The following ITPR2 variants were observed in gnomAD, a reference collection of about 807,000 sequenced individuals.
The protein encoded by ITPR2 is inositol 1,4,5-trisphosphate-gated calcium channel ITPR2.
Under a neutral mutation model 317.1 loss-of-function variants are expected in ITPR2, and 207 were observed. The ratio of observed to expected loss-of-function variants is 0.65; its 90% CI spans 0.58 to 0.73. ITPR2 has a LOEUF of 0.73. Among genes scored for constraint, ITPR2 ranks in the 30% least tolerant of loss-of-function variants. The pLI is 0.00. For synonymous variants in ITPR2, 1,156 were observed against 1,149.1 expected (o/e 1.01, Z -0.12); for missense variants, 2,613 against 3,284.0 (o/e 0.80, Z 4.99).
chr12:26,604,326 C>T (rs767806683), intron 26 of ITPR2, among the ~76,000 whole-genome samples: 2 of 152,158 alleles, frequency 1.3e-5, no homozygotes, highest in Non-Finnish European at 2.9e-5. Context: ...CCCCTCCTCC[C>T]ATTTTACTGT....
At chr12:26,730,874 G>A (rs1476822325) in intron 2 of ITPR2, among the ~76,000 whole-genome samples, 1 of 152,234 alleles carries the variant, frequency 6.6e-6, no homozygotes, top group East Asian at 1.9e-4. Flanking sequence ...AACACTGTAA[G>A]TCAAAGAGCC....
chr12:26,436,860 T>C (rs1252001885), intron 47 of ITPR2, among the ~76,000 whole-genome samples: 1 of 152,240 alleles, frequency 6.6e-6, no homozygotes, highest in Non-Finnish European at 1.5e-5. Context: ...TCATGTGACA[T>C]AGTATTCCTG....
chr12:26,744,921 A>G (rs1949292994), intron 2 of ITPR2, among the ~76,000 whole-genome samples: 1 of 152,254 alleles, frequency 6.6e-6, no homozygotes, highest in Non-Finnish European at 1.5e-5. Context: ...ATGGAGGACA[A>G]CAATTTTGCA....
At chr12:26,544,911 T>G (rs184995697) in intron 37 of ITPR2, among the ~76,000 whole-genome samples, 1 of 151,910 alleles carries the variant, frequency 6.6e-6, no homozygotes, top group Admixed American at 6.5e-5. Flanking sequence ...ACATTTGCAA[T>G]GTGGAGGTAA....
chr12:26,424,203 T>C (rs1940976646), intron 49 of ITPR2, among the ~76,000 whole-genome samples: 1 of 152,220 alleles, frequency 6.6e-6, no homozygotes. Flanking sequence ...CCATTATTAA[T>C]CTTTTCTAAA....
chr12:26,593,728 TA>T (rs1448967019), intron 32 of ITPR2, among the ~76,000 whole-genome samples: 3 of 10,770 alleles, frequency 2.8e-4, no homozygotes, highest in Admixed American at 2.2e-3. Flanking sequence ...AAATCATTGC[TA>T]TTTTTTTGTT....
At position 26,337,002 on chromosome 12, in the gene ITPR2, A is replaced by G. The variant is rs1232063650; in HGVS notation, c.*2395T>C. On this transcript the variant is annotated 3_prime_UTR_variant, in exon 57 of 57. Transcript: ENST00000381340. ...GCTGTTTTTTTTTTTTTTGCTTTAT[A>G]ATTTCTAAGCATTTAGGCAGAAAAG... 2 of 62,984 alleles carry G rather than the reference A, an allele frequency of 3.2e-5. No individual in the cohort carries two copies. Among genetic ancestry groups the G allele is most frequent in the South Asian group, 6.2e-4 (1 of 1,626 alleles). 3.9% of individuals were successfully genotyped at this position (62,984 alleles called of 1,614,324 possible).
intron 21 of ITPR2, among the ~76,000 whole-genome samples, chr12:26,652,124 T>C (rs1390956161): frequency 6.6e-6 from 1 of 152,210 alleles, no homozygotes; most frequent in African/African-American, 2.4e-5. Context: ...TTCATTTCAT[T>C]CCCTTTGCAC....
Position 26,516,270 on chromosome 12 carries a change from A to AGGAAAGGAAAGGAAAGGAAG in ITPR2, c.5074-21011_5074-21010insCTTCCTTTCCTTTCCTTTCC, listed in dbSNP as rs1943499154. On this transcript the variant is annotated intron_variant, in intron 37 of 56. Transcript: ENST00000381340. The stretch of plus-strand genomic sequence containing the variant: ...AGGAAAGGAAAGGAAAGGAAAGGAA[A>AGGAAAGGAAAGGAAAGGAAG]GGAAGGGAAGGGAAGGGAAAGGAAA... Among the ~76,000 whole-genome samples, 99 of 38,972 alleles carry AGGAAAGGAAAGGAAAGGAAG rather than the reference A, an allele frequency of 2.5e-3. 4 individuals carry two copies. Among genetic ancestry groups the AGGAAAGGAAAGGAAAGGAAG allele is most frequent in the African/African-American group, 7.2e-3 (79 of 10,900 alleles). The allele number at this position is 38,972 out of a possible 152,430, so 25.6% of individuals were successfully genotyped here.
intron 2 of ITPR2, among the ~76,000 whole-genome samples, chr12:26,784,135 C>T (rs529911991): frequency 2.0e-5 from 3 of 151,954 alleles, no homozygotes; most frequent in Non-Finnish European, 4.4e-5. Context: ...ACTAATGTCC[C>T]CAGTGAGATG....
chr12:26,578,630 G>T lies in ITPR2; in HGVS notation c.4630+83C>A, dbSNP rs898494920. 4.1e-6 allele frequency: 5 copies of T among 1,234,556 alleles called. No individual in the cohort carries two copies. The African/African-American group carries it at 6.0e-5, about 15-fold the overall frequency. 76.5% of individuals were successfully genotyped at this position (1,234,556 alleles called of 1,614,324 possible). ...CTGGTTTTCTTAAGTTGTAAATTGG[G>T]AAGCTGCTTGTGTTGCCCATTAGCC... is the stretch of plus-strand genomic sequence containing the variant. On this transcript the variant is annotated intron_variant, in intron 34 of 56. Coordinates refer to ENST00000381340, the MANE Select transcript of ITPR2 (RefSeq NM_002223.4).
At chr12:26,472,770 C>A (rs924462140) in intron 45 of ITPR2, among the ~76,000 whole-genome samples, 5 of 152,188 alleles carry the variant, frequency 3.3e-5, no homozygotes, top group African/African-American at 1.2e-4. Context: ...TTTCTATCAT[C>A]TTTCCATCTC....
At chr12:26,498,391 C>T (rs1036232035) in intron 37 of ITPR2, among the ~76,000 whole-genome samples, 1 of 152,018 alleles carries the variant, frequency 6.6e-6, no homozygotes, top group African/African-American at 2.4e-5. Flanking sequence ...ATTCACCTGG[C>T]CAAAGAAAAT....
chr12:26,805,667 C>T (rs1484812738), intron 1 of ITPR2, among the ~76,000 whole-genome samples: 3 of 41,230 alleles, frequency 7.3e-5, no homozygotes, highest in Non-Finnish European at 1.7e-4. Context: ...ATAGTAAATC[C>T]ATAAATTACA....
rs558968875 is a variant in ITPR2 at position 26,495,476 on chromosome 12, G to C, written c.5074-216C>G. On this transcript the variant is annotated intron_variant, in intron 37 of 56. Coordinates refer to ENST00000381340, the MANE Select transcript of ITPR2 (RefSeq NM_002223.4). ...ATAATAAATAAAGAGGGTGGGAGAA[G>C]CTTTTTGGAGGTGACGAACAGGTTT... 129 of 466,386 alleles carry C rather than the reference G, an allele frequency of 2.8e-4. 1 individual carries two copies. Among genetic ancestry groups the C allele is most frequent in the African/African-American group, 2.5e-3 (127 of 50,902 alleles). The allele number at this position is 466,386 out of a possible 1,614,324, so 28.9% of individuals were successfully genotyped here. A position where few individuals can be genotyped will look rare whatever the true frequency, so the allele number is the denominator to read the frequency against.
chr12:26,344,980 G>T (rs1184151684), intron 55 of ITPR2, among the ~76,000 whole-genome samples: 1 of 151,870 alleles, frequency 6.6e-6, no homozygotes, highest in African/African-American at 2.4e-5. Flanking sequence ...TGGTTTGTTT[G>T]TTTCTCAGCC....
intron 9 of ITPR2, among the ~76,000 whole-genome samples, chr12:26,709,885 C>A (rs1365259611): frequency 6.6e-6 from 1 of 152,088 alleles, no homozygotes; most frequent in East Asian, 1.9e-4. Flanking sequence ...TGTATTTCAT[C>A]TAGTTGAGCA....
intron 43 of ITPR2, among the ~76,000 whole-genome samples, chr12:26,479,413 G>A (rs558478783): frequency 2.7e-4 from 41 of 152,072 alleles, no homozygotes; most frequent in African/African-American, 8.2e-4. Context: ...TTAAATGGAT[G>A]AGCCATTCAG....
chr12:26,374,108 G>T (rs562727120), intron 55 of ITPR2, among the ~76,000 whole-genome samples: 1 of 152,320 alleles, frequency 6.6e-6, no homozygotes, highest in East Asian at 1.9e-4. Flanking sequence ...GGTAAGATCT[G>T]TCTTAACATC....
Sources: allele counts gnomAD v4.1 joint callset (sites outside exome capture counted in the v4.1 genomes callset), GRCh38; gene constraint gnomAD v4.1.1; transcripts MANE v1.5; gene names NCBI Gene and HGNC (gene_info 2026-07-23, HGNC 2026-07-21).